STRN3: variants seen among roughly 807,000 people sequenced by gnomAD.
STRN3 encodes striatin-3.
In STRN3, 29 loss-of-function variants were observed where a neutral mutation model predicts 95.6. The ratio of observed to expected loss-of-function variants is 0.30; its 90% CI spans 0.23 to 0.41. STRN3 has a LOEUF of 0.41. STRN3 is among the 10% of genes least tolerant of loss of function. The pLI, the probability that STRN3 is intolerant of heterozygous loss-of-function variation, is 1.00. For synonymous variants in STRN3, 331 were observed against 357.6 expected (o/e 0.93, Z 0.84); for missense variants, 890 against 972.1 (o/e 0.92, Z 1.12).
At chr14:31,014,621 T>C (rs1327567658) in intron 1 of STRN3, 1 of 437,358 alleles carries the variant, frequency 2.3e-6, no homozygotes, top group Non-Finnish European at 4.6e-6. Flanking sequence ...TTAATTCTAG[T>C]CTTTTAAATC....
intron 16 of STRN3, among the ~76,000 whole-genome samples, chr14:30,902,162 A>C (rs1204672852): frequency 7.6e-6 from 1 of 132,142 alleles, no homozygotes; most frequent in Non-Finnish European, 1.6e-5. Flanking sequence ...CAAGAGCAAA[A>C]CTCCGCCTCA....
chr14:30,968,623 G>A (rs1017706411), intron 1 of STRN3, among the ~76,000 whole-genome samples: 1 of 149,906 alleles, frequency 6.7e-6, no homozygotes, highest in South Asian at 2.1e-4. Flanking sequence ...GAGTTGCAGC[G>A]AGCCAAGAAG....
At chr14:30,965,275 G>A (rs1880427173) in intron 1 of STRN3, among the ~76,000 whole-genome samples, 1 of 152,270 alleles carries the variant, frequency 6.6e-6, no homozygotes, top group East Asian at 1.9e-4. Flanking sequence ...GAAGACAGCA[G>A]GCCAATCCAG....
chr14:31,025,282 G>T (rs113885370), intron 1 of STRN3: 2 of 154,232 alleles, frequency 1.3e-5, no homozygotes, highest in African/African-American at 4.8e-5. Flanking sequence ...ATCCAAGTGA[G>T]TAAGGCAGCA....
At chr14:30,989,760 A>AGGGCACTATGACTTTTAAGAG (rs1566478359) in intron 1 of STRN3, among the ~76,000 whole-genome samples, 8 of 151,976 alleles carry the variant, frequency 5.3e-5, no homozygotes, top group African/African-American at 1.7e-4. Context: ...GCCCGGACAA[A>AGGGCACTATGACTTTTAAGAG]ACACAGGATT....
chr14:30,925,439 T>C (rs1042347451), intron 8 of STRN3, among the ~76,000 whole-genome samples: 8 of 152,132 alleles, frequency 5.3e-5, no homozygotes, highest in African/African-American at 1.9e-4. Flanking sequence ...GCTGATTCCA[T>C]ATGGTAAAGT....
chr14:30,917,812 GGAACAAGA>G (rs1440728935), intron 9 of STRN3, among the ~76,000 whole-genome samples: 1 of 152,006 alleles, frequency 6.6e-6, no homozygotes, highest in African/African-American at 2.4e-5. Context: ...ATCTTAAAAG[GGAACAAGA>G]TGTATTTAAA....
chr14:30,943,695 T>C (rs779158823), intron 5 of STRN3, among the ~76,000 whole-genome samples: 5 of 152,200 alleles, frequency 3.3e-5, no homozygotes, highest in African/African-American at 7.2e-5. Flanking sequence ...TGGAATATCG[T>C]TGGTTATGAA....
rs1258345183 is a variant in STRN3, at chr14:30,918,952, G to A, written c.1240+14C>T. On this transcript the variant is annotated intron_variant, in intron 9 of 17. Transcript: ENST00000357479. ...TTCTGAAATGTAAATAAACATGGTA[G>A]CTAAATTTTGTACCTTCCTCTGCTC... 6.4e-7 allele frequency: 1 copy of A among 1,552,404 alleles called. No individual in the cohort carries two copies. Among genetic ancestry groups the A allele is most frequent in the Non-Finnish European group, 8.7e-7 (1 of 1,146,078 alleles).
At chr14:30,950,841 T>C (rs3736743) in intron 4 of STRN3, 22 bp downstream of exon 4, 77,463 of 1,607,110 alleles carry the variant, frequency 0.048, 3,276 homozygotes, top group East Asian at 0.21. Context: ...TTAAAGAAGG[T>C]TGAAAATAAG....
At chr14:30,995,327 A>AG (rs1168313441) in intron 1 of STRN3, among the ~76,000 whole-genome samples, 1 of 152,112 alleles carries the variant, frequency 6.6e-6, no homozygotes, top group African/African-American at 2.4e-5. Context: ...AGGCCACAAA[A>AG]GAAAAAAAAA....
intron 13 of STRN3, among the ~76,000 whole-genome samples, chr14:30,910,117 T>G (rs1280100059): frequency 6.6e-6 from 1 of 152,214 alleles, no homozygotes; most frequent in Non-Finnish European, 1.5e-5. Flanking sequence ...AAACCTTACA[T>G]TTATCAGATA....
At chr14:30,949,542 C>T (rs570928375) in intron 4 of STRN3, among the ~76,000 whole-genome samples, 6 of 152,202 alleles carry the variant, frequency 3.9e-5, no homozygotes, top group Non-Finnish European at 7.4e-5. Context: ...ACCCGGGAGG[C>T]GGAGGTTGCA....
intron 1 of STRN3, among the ~76,000 whole-genome samples, chr14:30,957,827 A>C (rs1380420071): frequency 7.2e-5 from 11 of 152,334 alleles, no homozygotes; most frequent in African/African-American, 2.6e-4. Context: ...AATTTTCACA[A>C]GAGGTAGAAT....
chr14:31,013,919 T>TA (rs1883113194), intron 1 of STRN3, among the ~76,000 whole-genome samples: 1 of 114,930 alleles, frequency 8.7e-6, no homozygotes, highest in African/African-American at 3.1e-5. Flanking sequence ...TTATTATTAT[T>TA]TGAGACAGAG....
chr14:30,927,031 C>T (rs1878213177), intron 8 of STRN3, among the ~76,000 whole-genome samples: 1 of 151,968 alleles, frequency 6.6e-6, no homozygotes, highest in Non-Finnish European at 1.5e-5. Context: ...AGGTCAAGCA[C>T]GGTGGCTCGT....
In STRN3 at chr14:30,929,967, A is replaced by AACAAAAAAAAAAAAAACC. The variant is rs1555317335; in HGVS notation, c.989-657_989-656insGGTTTTTTTTTTTTTTGT. On this transcript the variant is annotated intron_variant, in intron 7 of 17. Transcript: ENST00000357479. ...AACTAAGATTAGCAAAAAAAAAAAA[A>AACAAAAAAAAAAAAAACC]AAAAAAAAAAAACTCAAATTCCACT... 5.5e-5 allele frequency among the ~76,000 whole-genome samples: 5 copies of AACAAAAAAAAAAAAAACC among 91,122 alleles called. 1 individual carries two copies. The highest frequency in any genetic ancestry group is 1.9e-4 in the African/African-American group (5 of 25,984). The allele number at this position is 91,122 out of a possible 152,430, so 59.8% of individuals were successfully genotyped here.
At chr14:30,926,090 AT>A (rs968860096) in intron 8 of STRN3, among the ~76,000 whole-genome samples, 1 of 152,096 alleles carries the variant, frequency 6.6e-6, no homozygotes, top group Non-Finnish European at 1.5e-5. Flanking sequence ...CAGAGCCAAC[AT>A]TTTCACACTG....
At chr14:30,973,085 C>T (rs918237106) in intron 1 of STRN3, among the ~76,000 whole-genome samples, 4 of 151,952 alleles carry the variant, frequency 2.6e-5, no homozygotes, top group Non-Finnish European at 5.9e-5. Flanking sequence ...GGCACCCGCC[C>T]GTAATCCCAG....
Sources: gnomAD v4.1 joint callset for allele counts (sites outside exome capture counted in the v4.1 genomes callset) on GRCh38, gnomAD v4.1.1 for gene constraint, MANE v1.5 for transcripts, NCBI Gene and HGNC (gene_info 2026-07-23, HGNC 2026-07-21) for gene names.